Variants in NALF1 observed in about 807,000 individuals in gnomAD.
NALF1 encodes NALCN channel auxiliary factor 1, also known as family with sequence similarity 155 member A.
In NALF1, 3 loss-of-function variants were observed where a neutral mutation model predicts 48.4. The observed-to-expected ratio is 0.06, with a 90% CI of 0.03 to 0.16. The LOEUF (loss-of-function observed/expected upper bound fraction) is 0.16. NALF1 is among the 10% of genes least tolerant of loss of function. The probability of loss-of-function intolerance (pLI) is 1.00; values close to 1 mark genes in which losing one functional copy is unlikely to be tolerated. For missense variants in NALF1, 526 were observed against 571.5 expected (o/e 0.92, Z 0.81); for synonymous variants, 262 against 245.7 (o/e 1.07, Z -0.62).
intron 1 of NALF1, among the ~76,000 whole-genome samples, chr13:107,831,198 GAAAAACAGACAGTTTA>G (rs1879715306): frequency 6.6e-6 from 1 of 152,164 alleles, no homozygotes; most frequent in African/African-American, 2.4e-5. Flanking sequence ...ATCCAGACCT[GAAAAACAGACAGTTTA>G]AAAATTCAAA....
At chr13:107,863,716 T>G (rs1325009724) in intron 1 of NALF1, among the ~76,000 whole-genome samples, 6 of 152,160 alleles carry the variant, frequency 3.9e-5, no homozygotes, top group Non-Finnish European at 1.5e-5. Flanking sequence ...TATAAATGAG[T>G]TAACTTACAC....
At chr13:107,208,530 C>T (rs117176141) in intron 2 of NALF1, among the ~76,000 whole-genome samples, 2 of 152,240 alleles carry the variant, frequency 1.3e-5, no homozygotes, top group East Asian at 1.9e-4. Context: ...AGAAGATAAA[C>T]GCAAACACCT....
chr13:107,431,396 C>T (rs113930522), intron 1 of NALF1, among the ~76,000 whole-genome samples: 48 of 152,106 alleles, frequency 3.2e-4, no homozygotes, highest in Admixed American at 1.3e-3. Context: ...CACACACATG[C>T]GCATGCGTGC....
At chr13:107,647,337 A>G (rs1880339851) in intron 1 of NALF1, among the ~76,000 whole-genome samples, 1 of 151,960 alleles carries the variant, frequency 6.6e-6, no homozygotes, top group African/African-American at 2.4e-5. Flanking sequence ...GTCCTTTTTT[A>G]CCATACAGAC....
At chr13:107,711,839 G>T (rs1875602446) in intron 1 of NALF1, among the ~76,000 whole-genome samples, 1 of 152,100 alleles carries the variant, frequency 6.6e-6, no homozygotes, top group Non-Finnish European at 1.5e-5. Context: ...TTTTACTGTA[G>T]CTATTGATCT....
intron 1 of NALF1, among the ~76,000 whole-genome samples, chr13:107,628,244 C>A (rs1277050412): frequency 1.3e-5 from 2 of 152,114 alleles, no homozygotes; most frequent in African/African-American, 2.4e-5. Flanking sequence ...GATGCATGAT[C>A]TGGTCATTCG....
intron 2 of NALF1, among the ~76,000 whole-genome samples, chr13:107,177,797 C>T (rs1235259046): frequency 1.3e-5 from 2 of 152,160 alleles, no homozygotes; most frequent in African/African-American, 2.4e-5. Context: ...CACTTGTAAC[C>T]CTAGCACTTT....
At chr13:107,379,252 G>A (rs1351553854) in intron 1 of NALF1, among the ~76,000 whole-genome samples, 1 of 152,108 alleles carries the variant, frequency 6.6e-6, no homozygotes, top group Non-Finnish European at 1.5e-5. Flanking sequence ...GTTGTAGGCT[G>A]TTAATTAATT....
chr13:107,496,119 T>C (rs1875326582), intron 1 of NALF1, among the ~76,000 whole-genome samples: 1 of 152,188 alleles, frequency 6.6e-6, no homozygotes, highest in Non-Finnish European at 1.5e-5. Flanking sequence ...TCAATTTCTT[T>C]ATTAGAATTG....
intron 1 of NALF1, among the ~76,000 whole-genome samples, chr13:107,218,402 G>T (rs1879920882): frequency 6.6e-6 from 1 of 152,166 alleles, no homozygotes; most frequent in Non-Finnish European, 1.5e-5. Flanking sequence ...ACCGTCAGTG[G>T]AATGCCCACT....
At position 107,289,725 on chromosome 13, in the gene NALF1, T is replaced by C. The variant is rs182648805; in HGVS notation, c.916-78970A>G. 5.7e-3 allele frequency among the ~76,000 whole-genome samples: 865 copies of C among 152,136 alleles called. 4 individuals carry two copies. Among genetic ancestry groups the C allele is most frequent in the Non-Finnish European group, 8.4e-3 (572 of 68,002 alleles). ...CTGCAGTCATCCAGCTGAGAGCCATTTGGGGATAAAACGAGCTATTTCCTG... is the reference window on the plus strand; with the variant it reads ...CTGCAGTCATCCAGCTGAGAGCCATCTGGGGATAAAACGAGCTATTTCCTG... On this transcript the variant is annotated intron_variant, in intron 1 of 2. Coordinates refer to ENST00000375915, the MANE Select transcript of NALF1 (RefSeq NM_001080396.3).
intron 2 of NALF1, among the ~76,000 whole-genome samples, chr13:107,187,424 T>C (rs1879198739): frequency 6.6e-6 from 1 of 152,160 alleles, no homozygotes; most frequent in South Asian, 2.1e-4. Context: ...TCACCTTTAA[T>C]TGTCAAGTCT....
intron 1 of NALF1, among the ~76,000 whole-genome samples, chr13:107,360,853 C>A (rs145375084): frequency 2.6e-3 from 400 of 151,832 alleles, no homozygotes; most frequent in Admixed American, 5.4e-3. Context: ...CTTTCTTTCC[C>A]TCCTCCCTCT....
rs953565544 is a variant in NALF1 at position 107,235,359 on chromosome 13, T to TA, written c.916-24605dup. 2.0e-3 allele frequency among the ~76,000 whole-genome samples: 308 copies of TA among 151,998 alleles called. 1 individual carries two copies. Among genetic ancestry groups the TA allele is most frequent in the African/African-American group, 1.4e-3 (58 of 41,458 alleles). ...GTCAACACCTACTTTTCTTTTTTTT[T>TA]AAAAAAAGCCATTGCATCCAAATGC... On this transcript the variant is annotated intron_variant, in intron 1 of 2. Coordinates refer to ENST00000375915, the MANE Select transcript of NALF1 (RefSeq NM_001080396.3).
At chr13:107,367,154 G>C (rs1203539949) in intron 1 of NALF1, among the ~76,000 whole-genome samples, 2 of 152,140 alleles carry the variant, frequency 1.3e-5, no homozygotes, top group Non-Finnish European at 2.9e-5. Flanking sequence ...GCTTACACTT[G>C]GAAAATTAAT....
chr13:107,209,474 G>A (rs370488345), intron 2 of NALF1, among the ~76,000 whole-genome samples: 2 of 150,926 alleles, frequency 1.3e-5, no homozygotes. Flanking sequence ...ACCAGCCTGG[G>A]TGACACAGAG....
chr13:107,629,418 G>A (rs1879771857), intron 1 of NALF1, among the ~76,000 whole-genome samples: 1 of 152,148 alleles, frequency 6.6e-6, no homozygotes, highest in African/African-American at 2.4e-5. Context: ...TGAAAACTGA[G>A]ACTGAGATTT....
At chr13:107,453,184 T>C (rs1884771002) in intron 1 of NALF1, among the ~76,000 whole-genome samples, 2 of 152,182 alleles carry the variant, frequency 1.3e-5, no homozygotes, top group South Asian at 4.1e-4. Context: ...TTCACAGTTC[T>C]ACTAGGTCCC....
chr13:107,398,984 G>T, intron 1 of NALF1, among the ~76,000 whole-genome samples: 1 of 152,282 alleles, frequency 6.6e-6, no homozygotes, highest in Middle Eastern at 3.4e-3. Flanking sequence ...GCTTAAAAAT[G>T]TTCATTCTCC....
Sources: gnomAD v4.1 joint callset for allele counts (sites outside exome capture counted in the v4.1 genomes callset) on GRCh38, gnomAD v4.1.1 for gene constraint, MANE v1.5 for transcripts, NCBI Gene and HGNC (gene_info 2026-07-23, HGNC 2026-07-21) for gene names.